ZBTB7C: variants seen among roughly 807,000 people sequenced by gnomAD.
The protein encoded by ZBTB7C is zinc finger and BTB domain containing 7C, also known as zinc finger and BTB domain-containing protein 7C.
In ZBTB7C, 8 loss-of-function variants were observed where a neutral mutation model predicts 25.7. The observed-to-expected ratio is 0.31, with a 90% CI of 0.18 to 0.56. The LOEUF is 0.56. Among genes scored for constraint, ZBTB7C ranks in the 20% least tolerant of loss-of-function variants. The pLI is 0.91. For synonymous variants in ZBTB7C, 394 were observed against 369.0 expected, an observed-to-expected ratio of 1.07 and a Z score of -0.78; for missense variants, 824 against 855.2, an observed-to-expected ratio of 0.96 and a Z score of 0.46.
intron 3 of ZBTB7C, among the ~76,000 whole-genome samples, chr18:48,043,322 A>G (rs546907560): frequency 2.0e-4 from 30 of 152,264 alleles, no homozygotes; most frequent in Non-Finnish European, 3.4e-4. Context: ...ATAGTGAGTA[A>G]CTGGAAATAA....
intron 3 of ZBTB7C, among the ~76,000 whole-genome samples, chr18:48,145,622 G>T (rs1447624390): frequency 6.6e-6 from 1 of 152,212 alleles, no homozygotes; most frequent in Admixed American, 6.5e-5. Context: ...AGGAAGTGGG[G>T]CAATGACGAG....
At chr18:48,164,685 G>A (rs2041181485) in intron 3 of ZBTB7C, among the ~76,000 whole-genome samples, 1 of 152,094 alleles carries the variant, frequency 6.6e-6, no homozygotes, top group African/African-American at 2.4e-5. Context: ...TGAATGCAGA[G>A]AATGGGCCTC....
intron 2 of ZBTB7C, among the ~76,000 whole-genome samples, chr18:48,215,586 T>C (rs1043044363): frequency 2.6e-5 from 4 of 152,188 alleles, no homozygotes; most frequent in Non-Finnish European, 4.4e-5. Flanking sequence ...CTGGAATCAA[T>C]AGAAAGGAGT....
chr18:48,165,010 A>AG (rs2041194953), intron 3 of ZBTB7C: 1 of 1,188,448 alleles, frequency 8.4e-7, no homozygotes, highest in African/African-American at 1.6e-5. Flanking sequence ...TTCTTAGGAA[A>AG]TCTTAAGCCA....
At position 48,292,862 on chromosome 18, in the gene ZBTB7C, A is replaced by C. The variant is rs560262617; in HGVS notation, c.-79+45312T>G. ...TCACCCATTGAGCCCAGCTCCCAGC[A>C]TAAAGCATTGAAATCTACTACTATT... On this transcript the variant is annotated intron_variant, in intron 2 of 4. Coordinates refer to ENST00000590800, the MANE Select transcript of ZBTB7C (RefSeq NM_001318841.2). 5.9e-5 allele frequency among the ~76,000 whole-genome samples: 9 copies of C among 152,350 alleles called. No homozygotes were observed. The East Asian group carries it at 1.7e-3, about 29-fold the overall frequency.
At chr18:48,168,339 T>C (rs946675715) in intron 3 of ZBTB7C, among the ~76,000 whole-genome samples, 1 of 152,224 alleles carries the variant, frequency 6.6e-6, no homozygotes, top group African/African-American at 2.4e-5. Context: ...AATATGTGGT[T>C]GATGTGCAGG....
chr18:48,394,926 C>A (rs2047985673), intron 1 of ZBTB7C, among the ~76,000 whole-genome samples: 1 of 152,188 alleles, frequency 6.6e-6, no homozygotes, highest in South Asian at 2.1e-4. Flanking sequence ...CGCGCACATA[C>A]TAACTGGTCG....
At chr18:48,126,424 A>C (rs567110604) in intron 3 of ZBTB7C, among the ~76,000 whole-genome samples, 1 of 152,200 alleles carries the variant, frequency 6.6e-6, no homozygotes, top group Admixed American at 6.5e-5. Context: ...AGCCCTAGAC[A>C]GTGTGACCCC....
At chr18:48,089,756 T>G (rs983784533) in intron 3 of ZBTB7C, among the ~76,000 whole-genome samples, 6 of 152,148 alleles carry the variant, frequency 3.9e-5, no homozygotes, top group African/African-American at 1.4e-4. Flanking sequence ...AAGTTTTGTC[T>G]TGAATCTAAA....
chr18:48,146,449 G>A (rs574581793), intron 3 of ZBTB7C, among the ~76,000 whole-genome samples: 35 of 152,156 alleles, frequency 2.3e-4, no homozygotes, highest in South Asian at 1.0e-3. Flanking sequence ...GGCTATATAT[G>A]TTTGGGTATG....
intron 2 of ZBTB7C, among the ~76,000 whole-genome samples, chr18:48,194,766 C>T (rs951855634): frequency 7.9e-5 from 12 of 151,896 alleles, no homozygotes; most frequent in Admixed American, 3.3e-4. Context: ...CCCAAATGCC[C>T]GCCAGCTGAC....
At chr18:48,125,620 A>T (rs1451491062) in intron 3 of ZBTB7C, among the ~76,000 whole-genome samples, 1 of 152,218 alleles carries the variant, frequency 6.6e-6, no homozygotes, top group Non-Finnish European at 1.5e-5. Flanking sequence ...AGACGCAGTG[A>T]AGCACTGTGG....
Position 48,324,945 on chromosome 18 carries a change from G to A in ZBTB7C, c.-79+13229C>T, listed in dbSNP as rs115823884. 5.5e-3 allele frequency among the ~76,000 whole-genome samples: 838 copies of A among 152,316 alleles called. 5 individuals carry two copies. The highest frequency in any genetic ancestry group is 0.019 in the African/African-American group (798 of 41,570). On this transcript the variant is annotated intron_variant, in intron 2 of 4. Coordinates refer to ENST00000590800, the MANE Select transcript of ZBTB7C (RefSeq NM_001318841.2). ...GGCAGAGCCACCGTGGATGTGATGC[G>A]AGAGGGTGCGTAGAAGCAGGGTTAG...
intron 2 of ZBTB7C, among the ~76,000 whole-genome samples, chr18:48,190,696 C>T (rs2042173115): frequency 6.6e-6 from 1 of 152,206 alleles, no homozygotes; most frequent in Admixed American, 6.5e-5. Flanking sequence ...CTGTGGGCTT[C>T]AGTGCATGGG....
At chr18:48,299,603 T>C (rs1212045188) in intron 2 of ZBTB7C, among the ~76,000 whole-genome samples, 1 of 152,054 alleles carries the variant, frequency 6.6e-6, no homozygotes, top group East Asian at 1.9e-4. Flanking sequence ...GGATGGGAGA[T>C]GAGAGTGGCA....
upstream of ZBTB7C, among the ~76,000 whole-genome samples, chr18:48,411,056 TA>T (rs199532736): frequency 0.044 from 6,700 of 151,622 alleles, 185 homozygotes; most frequent in Non-Finnish European, 0.054. Flanking sequence ...GATTTTTTTT[TA>T]AACCATTTCA....
At chr18:48,262,042 G>A (rs1350518029) in intron 2 of ZBTB7C, among the ~76,000 whole-genome samples, 3 of 138,676 alleles carry the variant, frequency 2.2e-5, no homozygotes, top group African/African-American at 8.1e-5. Context: ...TCTAGTCACA[G>A]GGCTAGGGAT....
At chr18:48,230,252 T>C (rs1236979836) in intron 2 of ZBTB7C, among the ~76,000 whole-genome samples, 1 of 152,196 alleles carries the variant, frequency 6.6e-6, no homozygotes, top group East Asian at 1.9e-4. Context: ...ACAGCAAGGT[T>C]TATCCCCTGT....
chr18:48,076,092 G>A (rs1342943880), intron 3 of ZBTB7C, among the ~76,000 whole-genome samples: 3 of 152,206 alleles, frequency 2.0e-5, no homozygotes, highest in Non-Finnish European at 2.9e-5. Context: ...CGGGCTCTGG[G>A]CAAGGTGCTG....
Sources: gnomAD v4.1 joint callset for allele counts (sites outside exome capture counted in the v4.1 genomes callset) on GRCh38, gnomAD v4.1.1 for gene constraint, MANE v1.5 for transcripts, NCBI Gene and HGNC (gene_info 2026-07-23, HGNC 2026-07-21) for gene names.